The following PACRG variants were observed in gnomAD, a reference collection of about 807,000 sequenced individuals.
PACRG encodes the protein parkin coregulated.
PACRG carries 29 observed loss-of-function variants against 29.7 expected under a neutral mutation model. The observed-to-expected ratio is 0.98, with a 90% CI of 0.73 to 1.33. The LOEUF is 1.33. Ranked by LOEUF, PACRG falls within the 40% of genes most tolerant of loss-of-function variation. The pLI is 0.00. For missense variants in PACRG, 279 were observed against 316.2 expected (o/e 0.88, Z 0.89); for synonymous variants, 116 against 118.7 (o/e 0.98, Z 0.15).
At chr6:163,035,852 G>T (rs1234359908) in intron 2 of PACRG, among the ~76,000 whole-genome samples, 4 of 139,582 alleles carry the variant, frequency 2.9e-5, no homozygotes, top group Admixed American at 7.3e-5. Context: ...TGCCTTAACC[G>T]CCTGGGAATG....
At chr6:163,106,044 T>G (rs545030751) in intron 4 of PACRG, among the ~76,000 whole-genome samples, 30 of 152,288 alleles carry the variant, frequency 2.0e-4, no homozygotes, top group South Asian at 4.1e-4. Flanking sequence ...TAGGCTAGAT[T>G]CTGGATTAAG....
intron 3 of PACRG, among the ~76,000 whole-genome samples, chr6:163,065,179 T>C (rs1811427456): frequency 6.6e-6 from 1 of 152,128 alleles, no homozygotes; most frequent in South Asian, 2.1e-4. Context: ...CCTCCCACCT[T>C]TCTGATTTCC....
rs188067130 is a variant in PACRG at position 162,887,992 on chromosome 6, T to A, written c.291+73711T>A. Among the ~76,000 whole-genome samples the A allele has an allele frequency of 2.3e-4, 35 of 152,230 alleles. No individual in the cohort carries two copies. The East Asian group carries it at 6.2e-3, about 27-fold the overall frequency. ...AGTCCAAGATCAAGTTCCCAGCAGG[T>A]TCAGTGTGTGGTGAGGGCTACTCTC... On this transcript the variant is annotated intron_variant, in intron 2 of 4. Coordinates refer to ENST00000366888, the MANE Select transcript of PACRG (RefSeq NM_001080379.2).
In PACRG at chr6:163,315,128, T is replaced by G; in HGVS notation, c.*141T>G. On this transcript the variant is annotated 3_prime_UTR_variant, in exon 5 of 5. Coordinates refer to ENST00000366888, the MANE Select transcript of PACRG (RefSeq NM_001080379.2). ...AATAGTGGCTTATGGGCCATTGGAC[T>G]GTTAGCCCTATTGAGAGCAAGGCTT... The G allele has an allele frequency of 1.0e-6, 1 of 953,570 alleles. No homozygotes were observed. The highest frequency in any genetic ancestry group is 1.5e-6 in the Non-Finnish European group (1 of 646,246). The allele number at this position is 953,570 out of a possible 1,614,324, so 59.1% of individuals were successfully genotyped here.
At chr6:162,844,157 C>T (rs1790102612) in intron 2 of PACRG, among the ~76,000 whole-genome samples, 1 of 149,578 alleles carries the variant, frequency 6.7e-6, no homozygotes, top group South Asian at 2.1e-4. Flanking sequence ...CTTTGTTTAC[C>T]TAAGCAAGCC....
At chr6:162,990,348 C>CCACCAACAGTGTAAAA (rs1205051629) in intron 2 of PACRG, among the ~76,000 whole-genome samples, 1 of 151,662 alleles carries the variant, frequency 6.6e-6, no homozygotes, top group Non-Finnish European at 1.5e-5. Context: ...GTTTACAATC[C>CCACCAACAGTGTAAAA]CACCAACAGT....
At chr6:163,294,491 A>G (rs549515029) in intron 4 of PACRG, among the ~76,000 whole-genome samples, 1 of 152,318 alleles carries the variant, frequency 6.6e-6, no homozygotes, top group African/African-American at 2.4e-5. Context: ...GTTTTCCCCA[A>G]ATGTAAAATG....
At chr6:163,248,608 A>G (rs912291087) in intron 4 of PACRG, among the ~76,000 whole-genome samples, 26 of 152,196 alleles carry the variant, frequency 1.7e-4, no homozygotes, top group African/African-American at 5.3e-4. Flanking sequence ...TTGCTTTCCC[A>G]TGAAGCCACA....
At chr6:162,743,472 G>A (rs1030672570) in intron 1 of PACRG, among the ~76,000 whole-genome samples, 1 of 151,848 alleles carries the variant, frequency 6.6e-6, no homozygotes, top group Non-Finnish European at 1.5e-5. Flanking sequence ...TTACATTTTA[G>A]TATGACCAAT....
intron 2 of PACRG, among the ~76,000 whole-genome samples, chr6:162,914,574 T>TA (rs1796572100): frequency 7.2e-6 from 1 of 139,540 alleles, no homozygotes; most frequent in African/African-American, 2.6e-5. Flanking sequence ...ACTATAAATT[T>TA]AAAAAATCAA....
chr6:162,914,357 C>T (rs894661337), intron 2 of PACRG, among the ~76,000 whole-genome samples: 8 of 151,790 alleles, frequency 5.3e-5, no homozygotes, highest in African/African-American at 1.9e-4. Flanking sequence ...ATAAATTGAC[C>T]GTATACATAT....
At chr6:162,899,366 G>A (rs1795391602) in intron 2 of PACRG, among the ~76,000 whole-genome samples, 1 of 152,126 alleles carries the variant, frequency 6.6e-6, no homozygotes, top group African/African-American at 2.4e-5. Context: ...AGCCTCCCAG[G>A]AATGAGTCAG....
intron 2 of PACRG, among the ~76,000 whole-genome samples, chr6:162,947,463 CATATATAAT>C (rs1209161179): frequency 3.5e-4 from 8 of 22,648 alleles, no homozygotes; most frequent in South Asian, 3.1e-3. Context: ...TATATATAAT[CATATATAAT>C]ATATATATAA....
At chr6:163,095,225 A>G (rs1180638206) in intron 4 of PACRG, 2 of 979,640 alleles carry the variant, frequency 2.0e-6, no homozygotes, top group Non-Finnish European at 2.4e-6. Flanking sequence ...CTTCACTGAG[A>G]CTGCTACATT....
chr6:162,924,106 T>G (rs527743813), intron 2 of PACRG, among the ~76,000 whole-genome samples: 1 of 152,194 alleles, frequency 6.6e-6, no homozygotes, highest in African/African-American at 2.4e-5. Flanking sequence ...TCATTCACCT[T>G]CCTGGTTAAA....
At chr6:162,843,607 CA>C (rs1779343477) in intron 2 of PACRG, among the ~76,000 whole-genome samples, 1 of 131,634 alleles carries the variant, frequency 7.6e-6, no homozygotes, top group African/African-American at 2.9e-5. Context: ...TCGTCAAAGT[CA>C]TTCTCCATCC....
At chr6:163,072,861 G>A (rs1749056) in intron 3 of PACRG, among the ~76,000 whole-genome samples, 6 of 151,780 alleles carry the variant, frequency 4.0e-5, no homozygotes, top group African/African-American at 1.5e-4. Flanking sequence ...ATTTACAATA[G>A]CCACAGATAA....
intron 4 of PACRG, among the ~76,000 whole-genome samples, chr6:163,129,641 C>G (rs889805023): frequency 1.3e-5 from 2 of 152,184 alleles, no homozygotes; most frequent in African/African-American, 4.8e-5. Context: ...TCCTCCTGAT[C>G]AGCAGCCTCC....
chr6:162,788,071 A>C (rs1784652072), intron 1 of PACRG, among the ~76,000 whole-genome samples: 1 of 152,144 alleles, frequency 6.6e-6, no homozygotes, highest in Non-Finnish European at 1.5e-5. Context: ...ATTCTTGAAT[A>C]GTCTGAGTTT....
Sources: gnomAD v4.1 joint callset for allele counts (sites outside exome capture counted in the v4.1 genomes callset) on GRCh38, gnomAD v4.1.1 for gene constraint, MANE v1.5 for transcripts, NCBI Gene and HGNC (gene_info 2026-07-23, HGNC 2026-07-21) for gene names.